Variants in PGM2L1 observed in about 807,000 individuals in gnomAD.
The protein encoded by PGM2L1 is phosphoglucomutase 2 like 1.
A neutral mutation model predicts 73.4 loss-of-function variants in PGM2L1; 35 were observed. The observed-to-expected ratio is 0.48, with a 90% CI of 0.36 to 0.63. The LOEUF is 0.63. PGM2L1 is among the 30% of genes least tolerant of loss of function. The pLI, the probability that PGM2L1 is intolerant of heterozygous loss-of-function variation, is 0.00. For missense variants in PGM2L1, 570 were observed against 742.0 expected, an observed-to-expected ratio of 0.77 and a Z score of 2.69; for synonymous variants, 225 against 253.8, an observed-to-expected ratio of 0.89 and a Z score of 1.08.
rs562994593 is a variant in PGM2L1 at position 74,335,351 on chromosome 11, A to T, written c.*1301T>A. On this transcript the variant is annotated 3_prime_UTR_variant, in exon 14 of 14. Coordinates refer to ENST00000298198, the MANE Select transcript of PGM2L1 (RefSeq NM_173582.6). ...TGGCCAGGCTAGTCTCAAACTCCTG[A>T]CATTGTGATCCACCTGCCTCAGCCT... 3.3e-5 allele frequency: 5 copies of T among 150,296 alleles called. No homozygotes were observed. The highest frequency in any genetic ancestry group is 1.2e-4 in the African/African-American group (5 of 40,830). 9.3% of individuals were successfully genotyped at this position (150,296 alleles called of 1,614,324 possible).
chr11:74,394,365 C>T (rs1863144281), intron 1 of PGM2L1, among the ~76,000 whole-genome samples: 1 of 152,180 alleles, frequency 6.6e-6, no homozygotes, highest in Non-Finnish European at 1.5e-5. Context: ...ACAGTGAGTA[C>T]ATCCTGAGAC....
At chr11:74,355,558 A>AAAAAAAAAAAG (rs1862434583) in intron 5 of PGM2L1, 1 of 276,352 alleles carries the variant, frequency 3.6e-6, no homozygotes, top group Non-Finnish European at 6.7e-6. Flanking sequence ...CGTCTCAAAA[A>AAAAAAAAAAAG]AAAAAAAAAA....
At chr11:74,384,154 T>C (rs888295876) in intron 1 of PGM2L1, among the ~76,000 whole-genome samples, 1 of 152,074 alleles carries the variant, frequency 6.6e-6, no homozygotes, top group African/African-American at 2.4e-5. Flanking sequence ...CTTTTGTCAT[T>C]CCATGCTTTG....
chr11:74,371,625 TC>T, intron 3 of PGM2L1, 85 bp downstream of exon 3: 3 of 1,074,120 alleles, frequency 2.8e-6, no homozygotes, highest in Non-Finnish European at 4.2e-6. Context: ...GTCTACTGTT[TC>T]AGAAATCCTA....
intron 5 of PGM2L1, among the ~76,000 whole-genome samples, chr11:74,360,118 T>C (rs1186904201): frequency 6.6e-6 from 1 of 152,032 alleles, no homozygotes; most frequent in Non-Finnish European, 1.5e-5. Flanking sequence ...CTCATGCCTG[T>C]GGTTGGGAGA....
chr11:74,351,907 A>G (rs1461876328), intron 5 of PGM2L1, among the ~76,000 whole-genome samples: 3 of 151,760 alleles, frequency 2.0e-5, no homozygotes, highest in Non-Finnish European at 4.4e-5. Context: ...GCTTGCAGTG[A>G]GCTGAGATAG....
At chr11:74,354,354 GT>G (rs1354164713) in intron 5 of PGM2L1, 13 of 534,396 alleles carry the variant, frequency 2.4e-5, no homozygotes, top group Middle Eastern at 4.8e-4. Flanking sequence ...GAAAAATCTA[GT>G]TTAAAAAAAC....
At chr11:74,364,654 C>T (rs1266901578) in intron 5 of PGM2L1, among the ~76,000 whole-genome samples, 1 of 152,172 alleles carries the variant, frequency 6.6e-6, no homozygotes, top group Non-Finnish European at 1.5e-5. Context: ...ATCCAACTTA[C>T]AAGTGATGTG....
intron 1 of PGM2L1, among the ~76,000 whole-genome samples, chr11:74,391,205 C>T (rs751325841): frequency 8.6e-5 from 13 of 151,798 alleles, no homozygotes; most frequent in Admixed American, 2.0e-4. Flanking sequence ...CTCCCTCCCT[C>T]CCTTCCTTGG....
chr11:74,397,762 T>G (rs1186291479), intron 1 of PGM2L1: 2 of 276,100 alleles, frequency 7.2e-6, no homozygotes, highest in African/African-American at 4.4e-5. Flanking sequence ...TTTTTTTTTT[T>G]TTGAAGAAAG....
chr11:74,337,449 C>T lies in PGM2L1; in HGVS notation c.1767-695G>A, dbSNP rs181364626. ...CCCCCCAAAGGAAATGAAATCTATCCTTAAATGCAAAGATTTGGGGAAATA... is the reference window on the plus strand; with the variant it reads ...CCCCCCAAAGGAAATGAAATCTATCTTTAAATGCAAAGATTTGGGGAAATA... On this transcript the variant is annotated intron_variant, in intron 13 of 13. Transcript: ENST00000298198. 3.2e-3 allele frequency among the ~76,000 whole-genome samples: 488 copies of T among 152,286 alleles called. 3 individuals carry two copies. In the Middle Eastern group the frequency reaches 0.034, roughly 11 times the overall value.
At chr11:74,377,261 A>C (rs925631460) in intron 1 of PGM2L1, among the ~76,000 whole-genome samples, 23 of 151,736 alleles carry the variant, frequency 1.5e-4, no homozygotes, top group African/African-American at 4.8e-4. Flanking sequence ...CAGCCTCCCG[A>C]GTAGCTGGAC....
chr11:74,343,816 T>C (rs1862221873), intron 9 of PGM2L1, among the ~76,000 whole-genome samples: 1 of 136,872 alleles, frequency 7.3e-6, no homozygotes, highest in Admixed American at 8.2e-5. Flanking sequence ...TCTCGCTCTG[T>C]CACCCAGGCT....
At chr11:74,339,104 A>C (rs1388679093) in intron 12 of PGM2L1, among the ~76,000 whole-genome samples, 1 of 152,166 alleles carries the variant, frequency 6.6e-6, no homozygotes, top group Non-Finnish European at 1.5e-5. Flanking sequence ...TTTACAGACG[A>C]GGCTCAAAGA....
Position 74,334,097 on chromosome 11 carries a change from T to C in PGM2L1, c.*2555A>G, listed in dbSNP as rs1862055297. ...AGAATAAAATAATTCCCTCAATCGA[T>C]ACACTTCAGGAACATTTGTAAAATT... On this transcript the variant is annotated 3_prime_UTR_variant, in exon 14 of 14. Transcript: ENST00000298198. 6.6e-6 allele frequency: 1 copy of C among 152,184 alleles called. No individual in the cohort carries two copies. The highest frequency in any genetic ancestry group is 1.5e-5 in the Non-Finnish European group (1 of 68,036). The allele number at this position is 152,184 out of a possible 1,614,324, so 9.4% of individuals were successfully genotyped here. A position where few individuals can be genotyped will look rare whatever the true frequency, so the allele number is the denominator to read the frequency against.
chr11:74,336,382 C>T lies in PGM2L1; in HGVS notation c.*270G>A, dbSNP rs1057067415. 30 of 210,646 alleles carry T rather than the reference C, an allele frequency of 1.4e-4. No individual in the cohort carries two copies. The highest frequency in any genetic ancestry group is 1.8e-4 in the Non-Finnish European group (19 of 106,814). 13.0% of individuals were successfully genotyped at this position (210,646 alleles called of 1,614,324 possible). A position where few individuals can be genotyped will look rare whatever the true frequency, so the allele number is the denominator to read the frequency against. Reference sequence around the variant, plus strand: ...TTTTGAATTGTGATGTTTCTGTTAACGGAAGGACAATACGTTACTATAATA... The same window carrying T: ...TTTTGAATTGTGATGTTTCTGTTAATGGAAGGACAATACGTTACTATAATA... On this transcript the variant is annotated 3_prime_UTR_variant, in exon 14 of 14. Transcript: ENST00000298198.
intron 2 of PGM2L1, among the ~76,000 whole-genome samples, chr11:74,372,757 G>A (rs75299306): frequency 2.0e-3 from 303 of 152,222 alleles, no homozygotes; most frequent in Non-Finnish European, 3.6e-3. Context: ...CTATTATATG[G>A]CAGGCACTGC....
In PGM2L1 at chr11:74,356,701, T is replaced by C. The variant is rs918237679; in HGVS notation, c.556-5125A>G. Among the ~76,000 whole-genome samples the C allele has an allele frequency of 1.6e-4, 24 of 152,286 alleles. No homozygotes were observed. The East Asian group carries it at 4.6e-3, about 29-fold the overall frequency. ...CAAAACAGATGGCCAAGAGCTACTT[T>C]TTACATATGAAGAGTTCCCATAAAT... On this transcript the variant is annotated intron_variant, in intron 5 of 13. Coordinates refer to ENST00000298198, the MANE Select transcript of PGM2L1 (RefSeq NM_173582.6).
At chr11:74,357,041 G>T (rs1333906636) in intron 5 of PGM2L1, among the ~76,000 whole-genome samples, 1 of 151,986 alleles carries the variant, frequency 6.6e-6, no homozygotes, top group Admixed American at 6.6e-5. Context: ...TAGAGATGGG[G>T]TTTCACCATG....
Sources: allele counts gnomAD v4.1 joint callset (sites outside exome capture counted in the v4.1 genomes callset), GRCh38; gene constraint gnomAD v4.1.1; transcripts MANE v1.5; gene names NCBI Gene and HGNC (gene_info 2026-07-23, HGNC 2026-07-21).